Variants in EBF3 observed in about 807,000 individuals in gnomAD.
EBF3 encodes the protein EBF transcription factor 3.
EBF3 carries 18 observed loss-of-function variants against 77.1 expected under a neutral mutation model. The ratio of observed to expected loss-of-function variants is 0.23; its 90% CI spans 0.16 to 0.35. EBF3 has a LOEUF of 0.35. Ranked by LOEUF, EBF3 falls within the 10% of genes least tolerant of loss-of-function variation. EBF3 has a pLI of 1.00. For synonymous variants in EBF3, 350 were observed against 343.5 expected (o/e 1.02, Z -0.21); for missense variants, 558 against 860.0 (o/e 0.65, Z 4.39).
intron 6 of EBF3, among the ~76,000 whole-genome samples, chr10:129,905,610 A>T (rs1362944720): frequency 6.6e-6 from 1 of 152,130 alleles, no homozygotes; most frequent in African/African-American, 2.4e-5. Flanking sequence ...ATGAAGAAGT[A>T]GGGATGGAGG....
intron 6 of EBF3, among the ~76,000 whole-genome samples, chr10:129,892,942 C>T (rs1002582025): frequency 6.6e-6 from 1 of 152,258 alleles, no homozygotes; most frequent in Non-Finnish European, 1.5e-5. Context: ...AATTAGCATA[C>T]TTCCCATGCT....
chr10:129,857,909 G>A (rs1425484844), intron 10 of EBF3, among the ~76,000 whole-genome samples: 2 of 152,202 alleles, frequency 1.3e-5, no homozygotes, highest in Non-Finnish European at 2.9e-5. Flanking sequence ...AGCTTCCACA[G>A]CACGCCACAC....
intron 10 of EBF3, among the ~76,000 whole-genome samples, chr10:129,851,617 A>G (rs1850890754): frequency 6.6e-6 from 1 of 152,210 alleles, no homozygotes; most frequent in Non-Finnish European, 1.5e-5. Context: ...TGGATCTGAG[A>G]GGATGAGTTT....
At position 129,885,302 on chromosome 10, in the gene EBF3, C is replaced by G. The variant is rs1402289998; in HGVS notation, c.555-7453G>C. On this transcript the variant is annotated intron_variant, in intron 6 of 16. Transcript: ENST00000440978. This position sits in a 1 kb window ranked among gnomAD's most constrained non-coding sequence, Gnocchi z 4.0. ...CCTCCGTTTGGAGAAATTTGTATGA[C>G]TCGCATTAAACTTTTCCGGGTGGTT... is the stretch of plus-strand genomic sequence containing the variant. 6.6e-6 allele frequency among the ~76,000 whole-genome samples: 1 copy of G among 152,148 alleles called. No homozygotes were observed. The highest frequency in any genetic ancestry group is 6.5e-5 in the Admixed American group (1 of 15,282).
intron 8 of EBF3, 91 bp downstream of exon 8, chr10:129,873,361 G>T: frequency 1.5e-6 from 2 of 1,355,920 alleles, no homozygotes; most frequent in Non-Finnish European, 1.9e-6. Context: ...GCGGGGGCCT[G>T]GTGAGAGTAA....
At chr10:129,917,968 G>A (rs1856008731) in intron 6 of EBF3, among the ~76,000 whole-genome samples, 1 of 152,184 alleles carries the variant, frequency 6.6e-6, no homozygotes, top group South Asian at 2.1e-4. Flanking sequence ...GAATGGGGCA[G>A]GTGCCAGGCC....
At chr10:129,941,346 G>A (rs529778401) in intron 6 of EBF3, among the ~76,000 whole-genome samples, 50 of 152,360 alleles carry the variant, frequency 3.3e-4, no homozygotes, top group African/African-American at 9.1e-4. Flanking sequence ...AGGTGGACAC[G>A]TGACAGGGAC....
chr10:129,940,006 T>C (rs975909198), intron 6 of EBF3, among the ~76,000 whole-genome samples: 10 of 152,176 alleles, frequency 6.6e-5, no homozygotes, highest in African/African-American at 2.4e-4. Context: ...CTGACGGGGA[T>C]GTATCAGCCT....
intron 10 of EBF3, among the ~76,000 whole-genome samples, chr10:129,860,996 G>A (rs1851593866): frequency 6.6e-6 from 1 of 152,250 alleles, no homozygotes; most frequent in Non-Finnish European, 1.5e-5. Context: ...CACAAACGGT[G>A]TGTCTCATTC....
intron 15 of EBF3, 47 bp downstream of exon 15, chr10:129,840,198 C>G (rs756808698): frequency 6.6e-7 from 1 of 1,518,884 alleles, no homozygotes; most frequent in South Asian, 1.2e-5. Context: ...CCATCCCCAC[C>G]CCTGGAGAGG....
chr10:129,918,913 C>G (rs954404746), intron 6 of EBF3, among the ~76,000 whole-genome samples: 2 of 152,208 alleles, frequency 1.3e-5, no homozygotes, highest in Non-Finnish European at 2.9e-5. Flanking sequence ...GTCCTTGCCC[C>G]CTGCAGCAGT....
intron 6 of EBF3, among the ~76,000 whole-genome samples, chr10:129,887,857 C>A (rs1363762325): frequency 2.6e-5 from 4 of 152,094 alleles, no homozygotes; most frequent in Non-Finnish European, 4.4e-5. Flanking sequence ...ATAAACCTGG[C>A]GAATGGTAAG....
intron 10 of EBF3, among the ~76,000 whole-genome samples, chr10:129,859,987 T>C (rs1405923478): frequency 6.6e-6 from 1 of 152,214 alleles, no homozygotes; most frequent in Non-Finnish European, 1.5e-5. Flanking sequence ...GACATGTTTG[T>C]GCTGATGTCT....
intron 6 of EBF3, among the ~76,000 whole-genome samples, chr10:129,892,246 C>T (rs1324475112): frequency 6.6e-6 from 1 of 152,226 alleles, no homozygotes; most frequent in Non-Finnish European, 1.5e-5. Flanking sequence ...GGCCAGGAGG[C>T]GGTGCTGGGG....
At chr10:129,961,752 GA>G (rs886395810) in intron 4 of EBF3, among the ~76,000 whole-genome samples, 3 of 151,840 alleles carry the variant, frequency 2.0e-5, no homozygotes, top group South Asian at 4.2e-4. Flanking sequence ...CTGGAAAGGA[GA>G]AAAAAAATGA....
chr10:129,925,069 GGTGT>G (rs1181042179), intron 6 of EBF3, among the ~76,000 whole-genome samples: 2 of 128,874 alleles, frequency 1.6e-5, no homozygotes, highest in South Asian at 2.7e-4. Flanking sequence ...AGCAAAATGT[GGTGT>G]GTGTGTGCAC....
In EBF3 at chr10:129,947,423, A is replaced by G. The variant is rs549230450; in HGVS notation, c.554+9835T>C. On this transcript the variant is annotated intron_variant, in intron 6 of 16. Coordinates refer to ENST00000440978, the MANE Select transcript of EBF3 (RefSeq NM_001375380.1). This position sits in a 1 kb window ranked among gnomAD's most constrained non-coding sequence, Gnocchi z 4.5. ...TTGTTTGGCAATTAGGAAAATTTGT[A>G]CTTTAATTTATTAAACCAAAAAAGC... Among the ~76,000 whole-genome samples the G allele has an allele frequency of 1.6e-4, 24 of 152,348 alleles. No homozygotes were observed. The highest frequency in any genetic ancestry group is 4.3e-4 in the African/African-American group (18 of 41,584).
intron 9 of EBF3, 51 bp downstream of exon 9, chr10:129,867,731 C>T: frequency 1.2e-6 from 2 of 1,605,126 alleles, no homozygotes; most frequent in Non-Finnish European, 1.7e-6. Context: ...CTTGTCAAAT[C>T]CATTCATGAA....
rs1850109343 is a variant in EBF3, at chr10:129,842,137, T to C, written c.1351A>G (p.Thr451Ala). ...SSQLAVNVSE[T>A]SQANDQVGYS... is the part of the protein sequence containing the mutation. ...ATACCTTGGTCGTTGGCTTGTGACG[T>C]CTCTGACACGTTGACGGCTAGCTGG... The change falls in exon 13 of 17, where the codon ACG becomes GCG. Residue 451 changes from threonine to alanine, a missense_variant. Thr to Ala is a moderately conservative substitution (Grantham distance 58). This residue lies in a region of EBF3 where 284 missense variants were observed against 368.3 expected (regional missense o/e 0.77). Transcript: ENST00000440978. The surrounding 1 kb of genome is among the most constrained non-coding windows in gnomAD (Gnocchi z 4.4). The C allele has an allele frequency of 2.5e-6, 4 of 1,614,100 alleles. No homozygotes were observed. Among genetic ancestry groups the C allele is most frequent in the Non-Finnish European group, 3.4e-6 (4 of 1,180,046 alleles).
Sources: allele counts gnomAD v4.1 joint callset (sites outside exome capture counted in the v4.1 genomes callset), GRCh38; gene constraint gnomAD v4.1.1; regional missense constraint gnomAD v4.1.1; non-coding constraint Gnocchi (gnomAD v3.1); transcripts MANE v1.5; gene names NCBI Gene and HGNC (gene_info 2026-07-23, HGNC 2026-07-21).